ZFTRAF1: variants seen among roughly 807,000 people sequenced by gnomAD.
The protein encoded by ZFTRAF1 is zinc finger TRAF-type and ring finger containing 1.
the ZFTRAF1 span, chr8:144,453,108 G>T: frequency 1.1e-6 from 1 of 942,288 alleles, no homozygotes; most frequent in Non-Finnish European, 1.6e-6. Flanking sequence ...TGGTCCCCAA[G>T]GCCCAGACAG....
chr8:144,449,625 C>G, the ZFTRAF1 span: 1 of 152,292 alleles, frequency 6.6e-6, no homozygotes, highest in Non-Finnish European at 1.5e-5. Flanking sequence ...TAATCTTTTT[C>G]CTGGGAAGAG....
chr8:144,461,174 G>A, the ZFTRAF1 span, among the ~76,000 whole-genome samples: 1 of 152,166 alleles, frequency 6.6e-6, no homozygotes, highest in African/African-American at 2.4e-5. Flanking sequence ...TGGAGAAATG[G>A]CAACCTAGAC....
the ZFTRAF1 span, chr8:144,449,819 G>A: frequency 1.8e-5 from 3 of 162,524 alleles, no homozygotes; most frequent in African/African-American, 7.2e-5. Flanking sequence ...TTCCTCGGGG[G>A]ACGTGTGCGG....
At chr8:144,451,023 G>C in the ZFTRAF1 span, 1 of 495,666 alleles carries the variant, frequency 2.0e-6, no homozygotes, top group Admixed American at 3.4e-5. Context: ...GCACGTGTCA[G>C]GCCACACCCC....
chr8:144,456,396 G>C, the ZFTRAF1 span: 7 of 152,452 alleles, frequency 4.6e-5, no homozygotes, highest in Non-Finnish European at 7.3e-5. Context: ...GGCAGCATCT[G>C]GCCAGATGCA....
chr8:144,460,580 C>T, the ZFTRAF1 span, among the ~76,000 whole-genome samples: 1 of 152,222 alleles, frequency 6.6e-6, no homozygotes, highest in African/African-American at 2.4e-5. Context: ...GAGTCTCCCT[C>T]GAGATCCAAG....
the ZFTRAF1 span, among the ~76,000 whole-genome samples, chr8:144,459,058 T>C: frequency 5.9e-5 from 9 of 152,222 alleles, no homozygotes; most frequent in Non-Finnish European, 1.0e-4. Flanking sequence ...AGGTCTGTCT[T>C]ACGCAGCATC....
the ZFTRAF1 span, chr8:144,454,824 G>A: frequency 6.6e-6 from 1 of 152,332 alleles, no homozygotes; most frequent in Non-Finnish European, 1.5e-5. Context: ...TGCTTCAGCT[G>A]CCTGTGCACC....
At chr8:144,452,435 G>A in the ZFTRAF1 span, 1 of 1,549,966 alleles carries the variant, frequency 6.5e-7, no homozygotes, top group East Asian at 2.4e-5. Flanking sequence ...GGTGGCTCTG[G>A]TCCATCCCAT....
chr8:144,457,204 G>C, the ZFTRAF1 span: 3 of 152,102 alleles, frequency 2.0e-5, no homozygotes, highest in African/African-American at 7.3e-5. Context: ...CATCACGGGG[G>C]AATGACATCA....
chr8:144,462,338 T>G, the ZFTRAF1 span: 1 of 514,452 alleles, frequency 1.9e-6, no homozygotes, highest in Non-Finnish European at 3.5e-6. Flanking sequence ...CAGCACCGAG[T>G]AGAGCCGCTC....
the ZFTRAF1 span, among the ~76,000 whole-genome samples, chr8:144,460,518 AAGG>A: frequency 6.6e-6 from 1 of 152,242 alleles, no homozygotes; most frequent in Non-Finnish European, 1.5e-5. Flanking sequence ...ATGGGGAGAC[AAGG>A]AGACTTCCCT....
chr8:144,450,876 G>A, the ZFTRAF1 span: 1 of 604,898 alleles, frequency 1.7e-6, no homozygotes, highest in Non-Finnish European at 3.0e-6. Context: ...CGGGGAGGAA[G>A]GCAACTTACC....
At chr8:144,459,144 C>G in the ZFTRAF1 span, among the ~76,000 whole-genome samples, 1 of 152,356 alleles carries the variant, frequency 6.6e-6, no homozygotes, top group East Asian at 1.9e-4. Context: ...ACGTCCCGGG[C>G]ACCGCTGAGG....
At chr8:144,450,208 G>A in the ZFTRAF1 span, 3 of 586,502 alleles carry the variant, frequency 5.1e-6, no homozygotes, top group African/African-American at 5.6e-5. Context: ...GTGAGCCGGA[G>A]GCGGGGGCCC....
chr8:144,453,520 C>T, the ZFTRAF1 span: 2 of 1,417,488 alleles, frequency 1.4e-6, no homozygotes, highest in Non-Finnish European at 1.9e-6. Flanking sequence ...TCGCACACAC[C>T]CGCCCATGCC....
the ZFTRAF1 span, chr8:144,453,585 G>C: frequency 1.2e-6 from 1 of 835,960 alleles, no homozygotes; most frequent in East Asian, 2.7e-5. Context: ...AGGGGCGCAC[G>C]TGCCTGTCCC....
the ZFTRAF1 span, chr8:144,450,706 C>T: frequency 1.4e-6 from 1 of 716,844 alleles, no homozygotes; most frequent in Non-Finnish European, 2.6e-6. Flanking sequence ...GCACTGTGAA[C>T]CTGGGCGTCT....
At chr8:144,452,465 A>C in the ZFTRAF1 span, 1 of 1,549,130 alleles carries the variant, frequency 6.5e-7, no homozygotes, top group Non-Finnish European at 8.7e-7. Context: ...CCATCAGCTC[A>C]CTGCCTGTCT....
Sources: allele counts gnomAD v4.1 joint callset (sites outside exome capture counted in the v4.1 genomes callset), GRCh38; gene constraint gnomAD v4.1.1; transcripts MANE v1.5; gene names NCBI Gene and HGNC (gene_info 2026-07-23, HGNC 2026-07-21).